OTUD7B: variants seen among roughly 807,000 people sequenced by gnomAD.
OTUD7B encodes OTU deubiquitinase 7B.
OTUD7B carries 34 observed loss-of-function variants against 82.2 expected under a neutral mutation model. The observed-to-expected ratio is 0.41, with a 90% confidence interval of 0.31 to 0.55. The LOEUF (loss-of-function observed/expected upper bound fraction) is 0.55. Among genes scored for constraint, OTUD7B ranks in the 20% least tolerant of loss-of-function variants. The pLI, the probability that OTUD7B is intolerant of heterozygous loss-of-function variation, is 0.20. For missense variants in OTUD7B, 944 were observed against 1,062.1 expected (o/e 0.89, Z 1.55); for synonymous variants, 398 against 402.7 (o/e 0.99, Z 0.14).
rs201815240 is a variant in OTUD7B, at chr1:149,964,471, AC to A, written c.605-123del. 6,575 of 890,324 alleles carry A rather than the reference AC, an allele frequency of 7.4e-3. 52 individuals are homozygous for A. Among genetic ancestry groups the A allele is most frequent in the Middle Eastern group, 0.026 (79 of 3,080 alleles). 55.2% of individuals were successfully genotyped at this position (890,324 alleles called of 1,614,324 possible). A position where few individuals can be genotyped will look rare whatever the true frequency, so the allele number is the denominator to read the frequency against. ...GGTCTCAAACCCCTGGCCTCAAGTG[AC>A]CCCCCTGCCTTACCCTCCCAAAGTG... On this transcript the variant is annotated intron_variant, in intron 5 of 11. Coordinates refer to ENST00000581312, the MANE Select transcript of OTUD7B (RefSeq NM_020205.4).
intron 1 of OTUD7B, among the ~76,000 whole-genome samples, chr1:149,993,814 T>C (rs1651754045): frequency 6.6e-6 from 1 of 152,228 alleles, no homozygotes; most frequent in South Asian, 2.1e-4. Flanking sequence ...TTACCAAAAC[T>C]GGGATGAGTT....
In OTUD7B at chr1:149,943,541, C is replaced by T; in HGVS notation, c.*316G>A. ...CCCACCCCCACACACCAAACCTTCC[C>T]CTGCTACTTTCTCTTAGGTCCCTGG... On this transcript the variant is annotated 3_prime_UTR_variant, in exon 12 of 12. Transcript: ENST00000581312. 1 of 281,152 alleles carries T rather than the reference C, an allele frequency of 3.6e-6. No homozygotes were observed. Among genetic ancestry groups the T allele is most frequent in the Non-Finnish European group, 6.7e-6 (1 of 149,040 alleles). 17.4% of individuals were successfully genotyped at this position (281,152 alleles called of 1,614,324 possible). A position where few individuals can be genotyped will look rare whatever the true frequency, so the allele number is the denominator to read the frequency against.
the OTUD7B span, among the ~76,000 whole-genome samples, chr1:150,036,560 T>C: frequency 6.6e-6 from 1 of 152,160 alleles, no homozygotes; most frequent in African/African-American, 2.4e-5. Flanking sequence ...ACTTGGCCCA[T>C]TGTAACTTTT....
chr1:149,957,028 C>T (rs1190532702), intron 7 of OTUD7B, among the ~76,000 whole-genome samples: 4 of 152,206 alleles, frequency 2.6e-5, no homozygotes, highest in African/African-American at 9.7e-5. Context: ...CTGAAGCCTT[C>T]TTCTCTCAAC....
the OTUD7B span, among the ~76,000 whole-genome samples, chr1:150,045,314 G>A: frequency 4.0e-5 from 6 of 151,684 alleles, no homozygotes; most frequent in Non-Finnish European, 7.4e-5. Flanking sequence ...CGCTGGTCTC[G>A]AACTCCTGAC....
At chr1:150,029,663 C>T in the OTUD7B span, among the ~76,000 whole-genome samples, 1 of 152,176 alleles carries the variant, frequency 6.6e-6, no homozygotes, top group Non-Finnish European at 1.5e-5. Flanking sequence ...CCAGGACAAG[C>T]AATTTGGTGG....
the OTUD7B span, among the ~76,000 whole-genome samples, chr1:150,063,417 T>G: frequency 6.6e-6 from 1 of 152,090 alleles, no homozygotes; most frequent in African/African-American, 2.4e-5. Context: ...ACCACTGCAC[T>G]CCAGCCTGGG....
intron 1 of OTUD7B, among the ~76,000 whole-genome samples, chr1:149,992,467 G>GTTTTTTTTTTTTT: frequency 1.6e-5 from 1 of 61,570 alleles, no homozygotes; most frequent in Non-Finnish European, 2.8e-5. Context: ...GTGTGCATGT[G>GTTTTTTTTTTTTT]TTTTTTTTTT....
chr1:149,967,259 G>A lies in OTUD7B; in HGVS notation c.502+35C>T, dbSNP rs782404801. 5 of 1,465,732 alleles carry A rather than the reference G, an allele frequency of 3.4e-6. No homozygotes were observed. The Admixed American group carries it at 6.7e-5, about 20-fold the overall frequency. The allele number at this position is 1,465,732 out of a possible 1,614,324, so 90.8% of individuals were successfully genotyped here. A position where few individuals can be genotyped will look rare whatever the true frequency, so the allele number is the denominator to read the frequency against. The stretch of plus-strand genomic sequence containing the variant: ...CAAGGCTGCCTGTAGGTGGAGAGTA[G>A]AGGGAAGAGTGTGGGAGAGGAAGCA... On this transcript the variant is annotated intron_variant, in intron 4 of 11. Coordinates refer to ENST00000581312, the MANE Select transcript of OTUD7B (RefSeq NM_020205.4).
intron 1 of OTUD7B, among the ~76,000 whole-genome samples, chr1:149,994,829 T>C (rs1015932118): frequency 6.6e-6 from 1 of 152,084 alleles, no homozygotes; most frequent in East Asian, 1.9e-4. Flanking sequence ...ATTCAAGAAG[T>C]TATTTCTATC....
At chr1:149,963,898 AAAC>A (rs1157283773) in intron 6 of OTUD7B, 6 of 227,742 alleles carry the variant, frequency 2.6e-5, no homozygotes, top group Non-Finnish European at 5.2e-5. Flanking sequence ...ACAAGCAAAA[AAAC>A]AAAACAATAC....
chr1:149,992,383 T>C (rs1356470524), intron 1 of OTUD7B, among the ~76,000 whole-genome samples: 2 of 152,082 alleles, frequency 1.3e-5, no homozygotes, highest in South Asian at 2.1e-4. Context: ...CAGGATAATT[T>C]TTCTCTTCTA....
chr1:150,011,946 T>C (rs1553787506), upstream of OTUD7B, among the ~76,000 whole-genome samples: 1 of 152,218 alleles, frequency 6.6e-6, no homozygotes, highest in East Asian at 1.9e-4. Context: ...GGAAACTTCC[T>C]AGACAGCTAT....
At chr1:149,956,972 G>C (rs587751183) in intron 7 of OTUD7B, among the ~76,000 whole-genome samples, 1 of 152,168 alleles carries the variant, frequency 6.6e-6, no homozygotes, top group East Asian at 1.9e-4. Context: ...CTTTGCGATG[G>C]GTTCGAACAT....
rs185769272 is a variant in OTUD7B at position 149,971,099 on chromosome 1, G to A, written c.238C>T (p.Arg80Ter). Residue 80 changes from arginine to a stop codon, truncating the protein, a stop_gained, in exon 3 of 12, where the codon CGA becomes TGA. Transcript: ENST00000581312. LOFTEE classifies it high-confidence loss of function. ...FSDREPTRPP[R>*]PILQRQDDIV... Reference sequence around the variant, plus strand: ...TCATCCTGCCGCTGGAGGATGGGTCGGGGAGGGCGAGTAGGCTCTCTGTCA... The same window carrying A: ...TCATCCTGCCGCTGGAGGATGGGTCAGGGAGGGCGAGTAGGCTCTCTGTCA... 5 of 1,612,196 alleles carry A rather than the reference G, an allele frequency of 3.1e-6. No individual in the cohort carries two copies. The highest frequency in any genetic ancestry group is 2.2e-5 in the East Asian group (1 of 44,840).
chr1:149,954,441 C>T (rs960697916), intron 7 of OTUD7B, among the ~76,000 whole-genome samples: 3 of 152,092 alleles, frequency 2.0e-5, no homozygotes, highest in Admixed American at 1.3e-4. Context: ...CTGCTGGATT[C>T]GGTTTGCCAG....
the OTUD7B span, among the ~76,000 whole-genome samples, chr1:150,052,081 G>T: frequency 6.6e-6 from 1 of 152,252 alleles, no homozygotes; most frequent in African/African-American, 2.4e-5. Context: ...ATGGGCAAAA[G>T]CTGGAAGCAT....
At chr1:150,060,536 T>C in the OTUD7B span, among the ~76,000 whole-genome samples, 1 of 152,218 alleles carries the variant, frequency 6.6e-6, no homozygotes, top group Non-Finnish European at 1.5e-5. Flanking sequence ...TTTAAGCTAC[T>C]GAGTCTGGGG....
At chr1:149,969,013 AC>A (rs1432091725) in intron 3 of OTUD7B, among the ~76,000 whole-genome samples, 3 of 151,768 alleles carry the variant, frequency 2.0e-5, no homozygotes, top group East Asian at 2.0e-4. Context: ...CACCACACCC[AC>A]CTTAAAAATA....
Sources: gnomAD v4.1 joint callset for allele counts (sites outside exome capture counted in the v4.1 genomes callset) on GRCh38, gnomAD v4.1.1 for gene constraint, MANE v1.5 for transcripts, NCBI Gene and HGNC (gene_info 2026-07-23, HGNC 2026-07-21) for gene names.